The following NAV2 variants were observed in gnomAD, a reference collection of about 807,000 sequenced individuals.
NAV2 encodes neuron navigator 2.
Under a neutral mutation model 223.2 loss-of-function variants are expected in NAV2, and 54 were observed. The observed-to-expected ratio is 0.24, with a 90% CI of 0.19 to 0.30. NAV2 has a LOEUF of 0.30. Among genes scored for constraint, NAV2 ranks in the 10% least tolerant of loss-of-function variants. NAV2 has a pLI of 1.00. For synonymous variants in NAV2, 1,279 were observed against 1,239.3 expected (o/e 1.03, Z -0.67); for missense variants, 2,806 against 3,147.5 (o/e 0.89, Z 2.60).
At chr11:19,709,231 C>G (rs971566193), upstream of NAV2, among the ~76,000 whole-genome samples, 1 of 151,868 alleles carries the variant, frequency 6.6e-6, no homozygotes, top group Non-Finnish European at 1.5e-5. Context: ...GAAAAATGAA[C>G]GTTTATAGAA....
intron 1 of NAV2, among the ~76,000 whole-genome samples, chr11:19,481,530 G>A (rs1402959126): frequency 1.3e-5 from 2 of 152,230 alleles, no homozygotes; most frequent in East Asian, 1.9e-4. Flanking sequence ...TTAATTGGGT[G>A]TTGCAGGGCA....
chr11:19,887,359 A>T (rs1407445061), intron 5 of NAV2, among the ~76,000 whole-genome samples: 1 of 151,892 alleles, frequency 6.6e-6, no homozygotes, highest in Non-Finnish European at 1.5e-5. Context: ...AGGGAGGCTT[A>T]TTTTACCTGC....
chr11:19,978,786 T>C (rs1441648080), intron 10 of NAV2: 2 of 152,076 alleles, frequency 1.3e-5, no homozygotes, highest in Non-Finnish European at 2.9e-5. Context: ...TCTGGTGAGA[T>C]TAGTGGCAGT....
intron 11 of NAV2, chr11:20,022,993 C>T (rs2054642310): frequency 3.4e-6 from 5 of 1,450,256 alleles, no homozygotes; most frequent in Non-Finnish European, 4.7e-6. Context: ...TTGCTGGGTG[C>T]CTGGGATTCC....
chr11:19,681,757 T>G (rs2048885784), intron 1 of NAV2, among the ~76,000 whole-genome samples: 1 of 152,126 alleles, frequency 6.6e-6, no homozygotes, highest in African/African-American at 2.4e-5. Context: ...CACCAATGCA[T>G]AGTAAGCATG....
intron 1 of NAV2, among the ~76,000 whole-genome samples, chr11:19,416,111 A>G (rs1446427877): frequency 1.3e-5 from 2 of 152,206 alleles, no homozygotes; most frequent in Non-Finnish European, 2.9e-5. Flanking sequence ...CAGGCAAGAG[A>G]AAGAAATAAA....
intron 1 of NAV2, among the ~76,000 whole-genome samples, chr11:19,459,675 G>T (rs1004067594): frequency 6.6e-6 from 1 of 152,202 alleles, no homozygotes; most frequent in African/African-American, 2.4e-5. Context: ...ATGCTATGAT[G>T]GTTGTGTGGA....
intron 1 of NAV2, among the ~76,000 whole-genome samples, chr11:19,564,526 T>C (rs182497260): frequency 2.1e-4 from 32 of 152,290 alleles, no homozygotes; most frequent in African/African-American, 7.2e-4. Flanking sequence ...AGGAGACTCT[T>C]GGCAGAGCTC....
At chr11:19,924,455 C>G (rs1252686051) in intron 6 of NAV2, among the ~76,000 whole-genome samples, 3 of 152,174 alleles carry the variant, frequency 2.0e-5, no homozygotes, top group Admixed American at 1.3e-4. Flanking sequence ...TGTAATTGCT[C>G]CAGCTGTCGA....
At chr11:19,419,056 G>A (rs1850501844) in intron 1 of NAV2, among the ~76,000 whole-genome samples, 1 of 152,174 alleles carries the variant, frequency 6.6e-6, no homozygotes, top group Non-Finnish European at 1.5e-5. Context: ...TATATGTGAT[G>A]AGATGTATGC....
rs554801459 is a variant in NAV2, at chr11:19,635,957, C to A, written c.76-196527C>A. ...AGTCCTAAAAGGTAATCTGAGTCATCAATTGGAATTTGTATTGCAGTGAAG... is the reference window on the plus strand; with the variant it reads ...AGTCCTAAAAGGTAATCTGAGTCATAAATTGGAATTTGTATTGCAGTGAAG... On this transcript the variant is annotated intron_variant, in intron 1 of 37. Transcript: ENST00000360655. Among the ~76,000 whole-genome samples the A allele has an allele frequency of 5.6e-4, 85 of 152,286 alleles. 1 individual carries two copies. Among genetic ancestry groups the A allele is most frequent in the Middle Eastern group, 3.4e-3 (1 of 294 alleles).
chr11:19,675,706 C>A (rs2048695110), intron 1 of NAV2, among the ~76,000 whole-genome samples: 3 of 152,302 alleles, frequency 2.0e-5, no homozygotes, highest in South Asian at 2.1e-4. Context: ...AGTGTACCAA[C>A]CTGCATGGCC....
chr11:19,358,740 C>G (rs1159401034), intron 1 of NAV2, among the ~76,000 whole-genome samples: 2 of 152,124 alleles, frequency 1.3e-5, no homozygotes, highest in Admixed American at 1.3e-4. Context: ...CCTTCAGACC[C>G]CCTCTTCCCA....
chr11:19,961,195 C>T (rs1331076609), intron 10 of NAV2, among the ~76,000 whole-genome samples: 1 of 151,970 alleles, frequency 6.6e-6, no homozygotes, highest in Non-Finnish European at 1.5e-5. Context: ...AGCAGTCCTC[C>T]CACCTTGACC....
At chr11:20,007,310 A>G (rs913633327) in intron 11 of NAV2, among the ~76,000 whole-genome samples, 2 of 151,944 alleles carry the variant, frequency 1.3e-5, no homozygotes, top group African/African-American at 4.8e-5. Flanking sequence ...GAAACAGAAG[A>G]ATTAGGTGAT....
intron 12 of NAV2, 173 bp from the exon 13 acceptor site, chr11:20,043,808 A>G: frequency 5.1e-6 from 3 of 584,246 alleles, no homozygotes; most frequent in Non-Finnish European, 8.9e-6. Flanking sequence ...TTTCCAAAAA[A>G]AAAAAATCAG....
intron 32 of NAV2, among the ~76,000 whole-genome samples, chr11:20,101,515 A>T (rs1343716853): frequency 2.6e-5 from 4 of 152,226 alleles, no homozygotes; most frequent in Non-Finnish European, 5.9e-5. Context: ...AACAAAAATA[A>T]CAATAATAAA....
chr11:20,049,243 A>G (rs1168791791), intron 15 of NAV2, 48 bp downstream of exon 15: 5 of 1,354,438 alleles, frequency 3.7e-6, no homozygotes, highest in Non-Finnish European at 5.1e-6. Flanking sequence ...CACCCTTCCA[A>G]AAATAAAAAG....
rs1290518565 is a variant in NAV2 at position 19,906,947 on chromosome 11, G to A, written c.931+14353G>A. On this transcript the variant is annotated intron_variant, in intron 6 of 37. Coordinates refer to ENST00000349880, the MANE Select transcript of NAV2 (RefSeq NM_145117.5). Reference sequence around the variant, plus strand: ...TGTGATGAAGATGATCCAAATGTCAGACTTGGGCTCAGGACACCTGGGGTC... The same window carrying A: ...TGTGATGAAGATGATCCAAATGTCAAACTTGGGCTCAGGACACCTGGGGTC... 4.6e-5 allele frequency among the ~76,000 whole-genome samples: 7 copies of A among 152,306 alleles called. No individual in the cohort carries two copies. The East Asian group carries it at 1.3e-3, about 29-fold the overall frequency.
Sources: allele counts gnomAD v4.1 joint callset (sites outside exome capture counted in the v4.1 genomes callset), GRCh38; gene constraint gnomAD v4.1.1; transcripts MANE v1.5; gene names NCBI Gene and HGNC (gene_info 2026-07-23, HGNC 2026-07-21).